Variants in SCCPDH observed in about 807,000 individuals in gnomAD.
The protein encoded by SCCPDH is saccharopine dehydrogenase-like oxidoreductase.
SCCPDH carries 34 observed loss-of-function variants against 51.5 expected under a neutral mutation model. That is an observed-to-expected ratio of 0.66 (90% CI 0.50 to 0.88). SCCPDH has a LOEUF of 0.88. SCCPDH is among the 40% of genes least tolerant of loss of function. The pLI, the probability that SCCPDH is intolerant of heterozygous loss-of-function variation, is 0.00. For missense variants in SCCPDH, 464 were observed against 527.1 expected (o/e 0.88, Z 1.17); for synonymous variants, 187 against 191.3 (o/e 0.98, Z 0.19).
At position 246,767,276 on chromosome 1, in the gene SCCPDH, T is replaced by C. The variant is rs377518398; in HGVS notation, c.1266T>C (p.Ser422=). 6.2e-7 allele frequency: 1 copy of C among 1,605,918 alleles called. No homozygotes were observed. Among genetic ancestry groups the C allele is most frequent in the African/African-American group, 1.3e-5 (1 of 74,714 alleles). The change falls in exon 12 of 12, where the codon AGT becomes AGC. Residue 422 remains serine, a synonymous_variant. Transcript: ENST00000366510. Reference sequence around the variant, plus strand: ...TCAACAAACACGGTATTGAGTTTAGTGTTATTAGCAGCTCTGAAGTCTAAA... The same window carrying C: ...TCAACAAACACGGTATTGAGTTTAGCGTTATTAGCAGCTCTGAAGTCTAAA... ...DRLNKHGIEF[S]VISSSEV is the part of the protein sequence containing the mutation.
At chr1:246,740,640 A>G (rs1668662130) in intron 4 of SCCPDH, among the ~76,000 whole-genome samples, 1 of 152,260 alleles carries the variant, frequency 6.6e-6, no homozygotes, top group African/African-American at 2.4e-5. Context: ...TGTATATTAT[A>G]GTTAAAAGGT....
At position 246,728,962 on chromosome 1, in the gene SCCPDH, C is replaced by A. The variant is rs149951134; in HGVS notation, c.303+1958C>A. 4.5e-3 allele frequency among the ~76,000 whole-genome samples: 681 copies of A among 152,270 alleles called. 6 individuals are homozygous for A. Among genetic ancestry groups the A allele is most frequent in the African/African-American group, 0.015 (638 of 41,550 alleles). ...GTCTGAGAAATAAAGAGAAAGAGTA[C>A]AAAGAGAAATTTTACAGCTGGGCCT... is the stretch of plus-strand genomic sequence containing the variant. On this transcript the variant is annotated intron_variant, in intron 2 of 11. Transcript: ENST00000366510.
chr1:246,766,269 A>G, intron 11 of SCCPDH, 130 bp downstream of exon 11: 1 of 659,356 alleles, frequency 1.5e-6, no homozygotes, highest in Non-Finnish European at 2.6e-6. Flanking sequence ...CTTCAAAAAT[A>G]TAGGTAAATT....
intron 4 of SCCPDH, 89 bp downstream of exon 4, chr1:246,740,390 G>C: frequency 8.5e-7 from 1 of 1,173,354 alleles, no homozygotes; most frequent in Non-Finnish European, 1.2e-6. Flanking sequence ...AAATCTAGTT[G>C]AAAAAAGAAA....
chr1:246,754,155 G>C (rs556324897), intron 5 of SCCPDH, among the ~76,000 whole-genome samples: 1 of 151,982 alleles, frequency 6.6e-6, no homozygotes, highest in African/African-American at 2.4e-5. Context: ...AGAGTATCCC[G>C]ACCACCGAGG....
chr1:246,736,008 T>C lies in SCCPDH; in HGVS notation c.337T>C (p.Cys113Arg). Residue 113 changes from cysteine to arginine, a missense_variant, in exon 3 of 12, where the codon TGT (cysteine) becomes CGT (arginine). Cys to Arg is a radical substitution (Grantham distance 180, BLOSUM62 -3). Transcript: ENST00000366510. Reference sequence around the variant, plus strand: ...TTATGGAGAACCTGTAATAAAAGCATGTATTGAAAATGGAGCCAGTTGTAT... The same window carrying C: ...TTATGGAGAACCTGTAATAAAAGCACGTATTGAAAATGGAGCCAGTTGTAT... ...RFYGEPVIKA[C>R]IENGASCIDI... 6.2e-6 allele frequency: 10 copies of C among 1,612,936 alleles called. No individual in the cohort carries two copies. Among genetic ancestry groups the C allele is most frequent in the Non-Finnish European group, 8.5e-6 (10 of 1,179,016 alleles).
chr1:246,758,450 G>A (rs1668963590), intron 6 of SCCPDH, 94 bp downstream of exon 6: 4 of 856,904 alleles, frequency 4.7e-6, no homozygotes, highest in Non-Finnish European at 6.8e-6. Context: ...AGAAAAGCTT[G>A]GAGACTAATT....
At chr1:246,751,439 C>A (rs889759559) in intron 5 of SCCPDH, among the ~76,000 whole-genome samples, 3 of 152,146 alleles carry the variant, frequency 2.0e-5, no homozygotes, top group Admixed American at 2.0e-4. Context: ...CTTGCTTAAA[C>A]CTTCAAAACA....
At chr1:246,737,812 G>A (rs992147649) in intron 3 of SCCPDH, among the ~76,000 whole-genome samples, 1 of 152,058 alleles carries the variant, frequency 6.6e-6, no homozygotes, top group Non-Finnish European at 1.5e-5. Flanking sequence ...GCTTGGTCTT[G>A]AACTCCTGGC....
intron 2 of SCCPDH, among the ~76,000 whole-genome samples, chr1:246,730,516 C>T (rs1242173372): frequency 6.6e-6 from 1 of 152,194 alleles, no homozygotes; most frequent in African/African-American, 2.4e-5. Context: ...TGCTGAGGCC[C>T]TCTCTGTGTG....
chr1:246,739,764 T>A (rs116623191), intron 3 of SCCPDH, among the ~76,000 whole-genome samples: 1 of 152,218 alleles, frequency 6.6e-6, no homozygotes, highest in Admixed American at 6.5e-5. Flanking sequence ...TATTCCCCTG[T>A]GCCCTCTGCC....
chr1:246,755,137 C>T (rs1326516252), intron 5 of SCCPDH, among the ~76,000 whole-genome samples: 1 of 152,080 alleles, frequency 6.6e-6, no homozygotes, highest in Non-Finnish European at 1.5e-5. Context: ...TATTGAGGGA[C>T]CATAAAGAAG....
intron 5 of SCCPDH, among the ~76,000 whole-genome samples, chr1:246,750,277 G>C (rs1444103841): frequency 6.6e-6 from 1 of 152,198 alleles, no homozygotes. Flanking sequence ...CTATAGTTCT[G>C]AGGGACGAGA....
In SCCPDH at chr1:246,767,287, G is replaced by A; in HGVS notation, c.1277G>A (p.Ser426Asn). The change falls in exon 12 of 12, where the codon AGC becomes AAC. Residue 426 changes from serine to asparagine, a missense_variant. Physicochemically the swap from Ser to Asn is conservative, Grantham distance 46. Transcript: ENST00000366510. ...GGTATTGAGTTTAGTGTTATTAGCA[G>A]CTCTGAAGTCTAAACACTGGAAGAA... ...KHGIEFSVISSSEV is the reference protein window; with the variant it reads ...KHGIEFSVISNSEV 1 of 1,593,856 alleles carries A rather than the reference G, an allele frequency of 6.3e-7. No individual in the cohort carries two copies. The highest frequency in any genetic ancestry group is 8.6e-7 in the Non-Finnish European group (1 of 1,167,814).
chr1:246,732,350 C>T (rs1186836354), intron 2 of SCCPDH, among the ~76,000 whole-genome samples: 1 of 151,512 alleles, frequency 6.6e-6, no homozygotes, highest in Non-Finnish European at 1.5e-5. Context: ...ATTGATAAAA[C>T]TTGGTGACTT....
At chr1:246,730,879 T>G (rs1176977456) in intron 2 of SCCPDH, among the ~76,000 whole-genome samples, 1 of 151,980 alleles carries the variant, frequency 6.6e-6, no homozygotes, top group Non-Finnish European at 1.5e-5. Context: ...GCCAACATGG[T>G]GAAACCCTGT....
intron 2 of SCCPDH, among the ~76,000 whole-genome samples, chr1:246,728,334 C>A (rs1668433955): frequency 6.6e-6 from 1 of 152,206 alleles, no homozygotes; most frequent in Admixed American, 6.5e-5. Flanking sequence ...AGCTTAGATT[C>A]CATCCATGAG....
intron 5 of SCCPDH, among the ~76,000 whole-genome samples, chr1:246,750,169 C>T (rs61852486): frequency 0.044 from 6,645 of 152,136 alleles, 217 homozygotes; most frequent in African/African-American, 0.076. Flanking sequence ...AAAGCGGGTT[C>T]GAGTTTTCCT....
Position 246,727,010 on chromosome 1 carries a change from T to C in SCCPDH, c.303+6T>C. The stretch of plus-strand genomic sequence containing the variant: ...TCCTCAATTGCGTAGGACCAGTAAG[T>C]AATCAACCCTTCTTTGTATCAGAAC... On this transcript the variant is annotated splice_donor_region_variant and intron_variant, in intron 2 of 11. Coordinates refer to ENST00000366510, the MANE Select transcript of SCCPDH (RefSeq NM_016002.3). The C allele has an allele frequency of 6.5e-7, 1 of 1,540,540 alleles. No individual in the cohort carries two copies.
Sources: allele counts gnomAD v4.1 joint callset (sites outside exome capture counted in the v4.1 genomes callset), GRCh38; gene constraint gnomAD v4.1.1; transcripts MANE v1.5; gene names NCBI Gene and HGNC (gene_info 2026-07-23, HGNC 2026-07-21).